VEPH1: variants seen among roughly 807,000 people sequenced by gnomAD.
VEPH1 encodes ventricular zone-expressed PH domain-containing protein homolog 1.
In VEPH1, 80 loss-of-function variants were observed where a neutral mutation model predicts 85.2. The ratio of observed to expected loss-of-function variants is 0.94; its 90% CI spans 0.78 to 1.13. The LOEUF is 1.13. Ranked by LOEUF, VEPH1 falls within the 50% of genes most tolerant of loss-of-function variation. VEPH1 has a pLI of 0.00. For synonymous variants in VEPH1, 297 were observed against 348.0 expected (o/e 0.85, Z 1.63); for missense variants, 955 against 980.5 (o/e 0.97, Z 0.35).
chr3:157,416,750 T>C (rs1461857235), intron 5 of VEPH1, among the ~76,000 whole-genome samples: 1 of 123,580 alleles, frequency 8.1e-6, no homozygotes, highest in African/African-American at 3.1e-5. Context: ...TAAAGAACAA[T>C]TAAAAAGGAA....
chr3:157,307,104 A>T (rs529756976), intron 11 of VEPH1, among the ~76,000 whole-genome samples: 1 of 152,020 alleles, frequency 6.6e-6, no homozygotes, highest in Admixed American at 6.5e-5. Context: ...AAGCATTTTT[A>T]TGATCAGCTT....
chr3:157,345,689 C>G (rs1334408883), intron 9 of VEPH1, among the ~76,000 whole-genome samples: 2 of 152,156 alleles, frequency 1.3e-5, no homozygotes, highest in South Asian at 2.1e-4. Context: ...GGTATATACC[C>G]AAAGGATTAT....
intron 9 of VEPH1, among the ~76,000 whole-genome samples, chr3:157,352,458 T>C (rs1311831997): frequency 1.3e-5 from 2 of 152,222 alleles, no homozygotes; most frequent in Non-Finnish European, 2.9e-5. Flanking sequence ...ATGCATTAAT[T>C]TGCTGATCAT....
At chr3:157,376,035 T>C (rs1335406991) in intron 7 of VEPH1, among the ~76,000 whole-genome samples, 3 of 152,198 alleles carry the variant, frequency 2.0e-5, no homozygotes, top group Non-Finnish European at 4.4e-5. Flanking sequence ...AACCTTCCTC[T>C]ACCCTCCTCT....
chr3:157,408,008 C>T (rs34618451), intron 6 of VEPH1, among the ~76,000 whole-genome samples: 16,197 of 152,060 alleles, frequency 0.11, 1,041 homozygotes, highest in South Asian at 0.27. Context: ...TCTTAGTCAC[C>T]GTGTTACTTT....
intron 12 of VEPH1, among the ~76,000 whole-genome samples, chr3:157,281,397 G>A (rs765375446): frequency 6.6e-6 from 1 of 152,172 alleles, no homozygotes; most frequent in Non-Finnish European, 1.5e-5. Flanking sequence ...GTGTGAAAAT[G>A]TGAAGTTATT....
intron 2 of VEPH1, among the ~76,000 whole-genome samples, chr3:157,478,194 G>A (rs1391313991): frequency 6.6e-6 from 1 of 152,114 alleles, no homozygotes; most frequent in Non-Finnish European, 1.5e-5. Flanking sequence ...GAGATATGAA[G>A]GCCTGGTCCC....
chr3:157,286,533 T>C, intron 12 of VEPH1, 24 bp downstream of exon 12: 1 of 1,588,644 alleles, frequency 6.3e-7, no homozygotes, highest in Non-Finnish European at 8.6e-7. Flanking sequence ...AAATGGTTCT[T>C]AGCAGCAGGT....
At position 157,313,762 on chromosome 3, in the gene VEPH1, G is replaced by A. The variant is rs753164602; in HGVS notation, c.1876-7C>T. The A allele has an allele frequency of 1.2e-6, 2 of 1,614,000 alleles. No homozygotes were observed. The highest frequency in any genetic ancestry group is 1.7e-6 in the Non-Finnish European group (2 of 1,179,954). On this transcript the variant is annotated splice_region_variant and splice_polypyrimidine_tract_variant and intron_variant, in intron 10 of 13. Coordinates refer to ENST00000362010, the MANE Select transcript of VEPH1 (RefSeq NM_001167912.2). ...GGGGTTCAGGAAACAGGCTCTGAAA[G>A]GGCATTAAAGACAGAAACAGAATAT... is the stretch of plus-strand genomic sequence containing the variant.
chr3:157,431,225 G>A lies in VEPH1; in HGVS notation c.530-2737C>T, dbSNP rs142550218. Among the ~76,000 whole-genome samples the A allele has an allele frequency of 7.9e-3, 1,196 of 152,164 alleles. 18 individuals are homozygous for A. The highest frequency in any genetic ancestry group is 0.027 in the African/African-American group (1,132 of 41,508). On this transcript the variant is annotated intron_variant, in intron 4 of 13. Transcript: ENST00000362010. ...GTGCCTTGTTTCCCCTTTGCTTTCC[G>A]CCAGGATTGTAAGTTTCCTGAGGCC...
At chr3:157,285,458 A>G (rs1157678396) in intron 12 of VEPH1, among the ~76,000 whole-genome samples, 1 of 152,234 alleles carries the variant, frequency 6.6e-6, no homozygotes, top group East Asian at 1.9e-4. Flanking sequence ...TAACAAGAGG[A>G]CAGACTTGCC....
chr3:157,272,634 T>A (rs79360845), intron 12 of VEPH1, among the ~76,000 whole-genome samples: 2 of 21,856 alleles, frequency 9.2e-5, no homozygotes, highest in Admixed American at 1.2e-3. Context: ...GTTTTAAAAA[T>A]TTTTTATTTT....
At chr3:157,421,463 A>G (rs984286147) in intron 5 of VEPH1, among the ~76,000 whole-genome samples, 3 of 152,244 alleles carry the variant, frequency 2.0e-5, no homozygotes, top group Non-Finnish European at 4.4e-5. Context: ...CCAGTTTCAC[A>G]AAGTCAAAAC....
In VEPH1 at chr3:157,460,337, C is replaced by G; in HGVS notation, c.373G>C (p.Val125Leu). ...CILQNYNRPP[V>L]MALAIPIAVK... ...GCAATGGGGATGGCTAATGCCATCACTGGGGGTCGGTTGTAATTCTGAGGA... is the reference window on the plus strand; with the variant it reads ...GCAATGGGGATGGCTAATGCCATCAGTGGGGGTCGGTTGTAATTCTGAGGA... The change falls in exon 4 of 14, where the codon GTG (valine) becomes CTG (leucine). Residue 125 changes from valine (V) to leucine (L), a missense_variant. By Grantham distance (32) the Val-to-Leu change is conservative. Transcript: ENST00000362010. The G allele has an allele frequency of 6.2e-7, 1 of 1,612,846 alleles. No homozygotes were observed. The highest frequency in any genetic ancestry group is 8.5e-7 in the Non-Finnish European group (1 of 1,178,994).
intron 4 of VEPH1, among the ~76,000 whole-genome samples, chr3:157,437,230 T>C (rs1224628560): frequency 6.6e-6 from 1 of 152,236 alleles, no homozygotes; most frequent in African/African-American, 2.4e-5. Context: ...AAGTTATTTC[T>C]GTAACGTACA....
intron 11 of VEPH1, among the ~76,000 whole-genome samples, chr3:157,300,943 G>A (rs1233433375): frequency 6.6e-6 from 1 of 152,188 alleles, no homozygotes; most frequent in Non-Finnish European, 1.5e-5. Flanking sequence ...AGTCATGCTT[G>A]TGAAAAGCCA....
chr3:157,448,196 G>T (rs956545921), intron 4 of VEPH1, among the ~76,000 whole-genome samples: 4 of 151,988 alleles, frequency 2.6e-5, no homozygotes, highest in Non-Finnish European at 5.9e-5. Context: ...GAGAAAAAAT[G>T]AGCTGAATTT....
At chr3:157,340,111 G>A (rs367993341) in intron 9 of VEPH1, among the ~76,000 whole-genome samples, 1 of 152,304 alleles carries the variant, frequency 6.6e-6, no homozygotes, top group East Asian at 1.9e-4. Context: ...CAGAAGACGG[G>A]TGATTTCTGC....
intron 5 of VEPH1, among the ~76,000 whole-genome samples, chr3:157,418,622 C>T (rs759736755): frequency 7.2e-5 from 11 of 152,090 alleles, no homozygotes; most frequent in Non-Finnish European, 1.3e-4. Flanking sequence ...ATACAGCTAA[C>T]AAGGGAAGTG....
Sources: allele counts gnomAD v4.1 joint callset (sites outside exome capture counted in the v4.1 genomes callset), GRCh38; gene constraint gnomAD v4.1.1; transcripts MANE v1.5; gene names NCBI Gene and HGNC (gene_info 2026-07-23, HGNC 2026-07-21).